The following MCTP1 variants were observed in gnomAD, a reference collection of about 807,000 sequenced individuals.
The protein encoded by MCTP1 is multiple C2 and transmembrane domain-containing protein 1.
Under a neutral mutation model 120.6 loss-of-function variants are expected in MCTP1, and 69 were observed. That is an observed-to-expected ratio of 0.57 (90% CI 0.47 to 0.70). The LOEUF is 0.70. MCTP1 is among the 30% of genes least tolerant of loss of function. The probability of loss-of-function intolerance (pLI) is 0.00; values close to 1 mark genes in which losing one functional copy is unlikely to be tolerated. For synonymous variants in MCTP1, 529 were observed against 493.1 expected (o/e 1.07, Z -0.96); for missense variants, 1,203 against 1,248.8 (o/e 0.96, Z 0.55).
At chr5:95,230,089 C>T (rs1408901776) in intron 1 of MCTP1, among the ~76,000 whole-genome samples, 1 of 149,738 alleles carries the variant, frequency 6.7e-6, no homozygotes, top group Non-Finnish European at 1.5e-5. Flanking sequence ...GAGGAAGGTA[C>T]CTTTCTTTAG....
intron 1 of MCTP1, among the ~76,000 whole-genome samples, chr5:95,146,310 T>C (rs1760390710): frequency 6.6e-6 from 1 of 152,174 alleles, no homozygotes; most frequent in Non-Finnish European, 1.5e-5. Context: ...GTTCTATACA[T>C]CTTGTTTATT....
At chr5:94,910,184 G>GTATATATACATATA (rs1561843120) in intron 9 of MCTP1, among the ~76,000 whole-genome samples, 9 of 92,846 alleles carry the variant, frequency 9.7e-5, no homozygotes, top group East Asian at 4.4e-4. Context: ...ATATATGTAT[G>GTATATATACATATA]TGTGCATACA....
chr5:95,246,410 T>C (rs187470936), intron 1 of MCTP1, among the ~76,000 whole-genome samples: 107 of 151,758 alleles, frequency 7.1e-4, no homozygotes, highest in African/African-American at 2.6e-3. Flanking sequence ...AGGAGACCCA[T>C]CTCACATGCA....
intron 1 of MCTP1, among the ~76,000 whole-genome samples, chr5:95,124,315 G>A (rs965461993): frequency 2.6e-5 from 4 of 152,224 alleles, no homozygotes; most frequent in Non-Finnish European, 5.9e-5. Flanking sequence ...AAAGATGAGC[G>A]AGCTGACAGA....
chr5:94,930,055 GA>G (rs1420796937), intron 6 of MCTP1, among the ~76,000 whole-genome samples: 3 of 152,020 alleles, frequency 2.0e-5, no homozygotes, highest in African/African-American at 7.2e-5. Context: ...TTGGAAGCTT[GA>G]AAAATGCATC....
At chr5:95,079,532 T>A (rs1023856678) in intron 1 of MCTP1, among the ~76,000 whole-genome samples, 8 of 152,126 alleles carry the variant, frequency 5.3e-5, no homozygotes, top group African/African-American at 1.9e-4. Flanking sequence ...TTCCATCTGT[T>A]TACCTTCATC....
chr5:94,991,616 G>A (rs1831557555), intron 2 of MCTP1, among the ~76,000 whole-genome samples: 1 of 152,150 alleles, frequency 6.6e-6, no homozygotes, highest in Non-Finnish European at 1.5e-5. Flanking sequence ...GTTTACGCCT[G>A]TAATCCCAGC....
At chr5:95,166,488 C>T (rs1006597687) in intron 1 of MCTP1, among the ~76,000 whole-genome samples, 2 of 152,038 alleles carry the variant, frequency 1.3e-5, no homozygotes, top group African/African-American at 2.4e-5. Flanking sequence ...CTCCATAATT[C>T]ATATTACTTT....
chr5:94,981,239 G>C (rs985371142), intron 2 of MCTP1, among the ~76,000 whole-genome samples: 1 of 152,006 alleles, frequency 6.6e-6, no homozygotes, highest in African/African-American at 2.4e-5. Context: ...TTTAATAAAA[G>C]ATGTAGAACC....
At chr5:94,864,075 TG>T (rs1407406182) in intron 17 of MCTP1, among the ~76,000 whole-genome samples, 1 of 151,784 alleles carries the variant, frequency 6.6e-6, no homozygotes, top group African/African-American at 2.4e-5. Flanking sequence ...TTCGATGAAT[TG>T]CCATAGAAGG....
At chr5:94,818,454 A>G (rs1331798390) in intron 17 of MCTP1, among the ~76,000 whole-genome samples, 1 of 152,226 alleles carries the variant, frequency 6.6e-6, no homozygotes, top group African/African-American at 2.4e-5. Context: ...CAGCTAATTT[A>G]AAGACCCATT....
intron 1 of MCTP1, among the ~76,000 whole-genome samples, chr5:95,201,346 GT>G (rs1227879679): frequency 6.6e-6 from 1 of 150,864 alleles, no homozygotes; most frequent in Admixed American, 6.6e-5. Flanking sequence ...GCACATTAAA[GT>G]TTGAAAAGCA....
Position 95,137,137 on chromosome 5 carries a change from C to T in MCTP1, c.721-119653G>A, listed in dbSNP as rs184121228. On this transcript the variant is annotated intron_variant, in intron 1 of 22. Coordinates refer to ENST00000515393, the MANE Select transcript of MCTP1 (RefSeq NM_024717.7). Reference sequence around the variant, plus strand: ...CTTCAGCGATGTTATAAGCAACAGCCTTATGAAATCTAGTGCTGTATTTGT... The same window carrying T: ...CTTCAGCGATGTTATAAGCAACAGCTTTATGAAATCTAGTGCTGTATTTGT... 1.1e-3 allele frequency among the ~76,000 whole-genome samples: 168 copies of T among 152,270 alleles called. 1 individual carries two copies. Among genetic ancestry groups the T allele is most frequent in the African/African-American group, 3.8e-3 (159 of 41,544 alleles).
intron 12 of MCTP1, among the ~76,000 whole-genome samples, chr5:94,886,803 GCAGA>G (rs776722706): frequency 2.6e-5 from 4 of 152,060 alleles, no homozygotes; most frequent in South Asian, 2.1e-4. Context: ...AAAAGAGAAA[GCAGA>G]CAAAGAACTT....
intron 18 of MCTP1, chr5:94,793,496 C>T (rs1272368151): frequency 6.6e-6 from 1 of 152,142 alleles, no homozygotes; most frequent in African/African-American, 2.4e-5. Flanking sequence ...TGTTTACAGG[C>T]TGTATGACTC....
chr5:94,821,695 G>T (rs867971578), intron 17 of MCTP1, among the ~76,000 whole-genome samples: 5 of 152,112 alleles, frequency 3.3e-5, no homozygotes, highest in Non-Finnish European at 7.4e-5. Flanking sequence ...ACCAGAGATT[G>T]GTTCCAGGAC....
At chr5:94,747,425 G>A (rs963075921) in intron 19 of MCTP1, among the ~76,000 whole-genome samples, 4 of 152,218 alleles carry the variant, frequency 2.6e-5, no homozygotes, top group African/African-American at 9.6e-5. Flanking sequence ...CAATTCAGAA[G>A]TAATTTTTTT....
chr5:94,849,530 T>G (rs1163048875), intron 17 of MCTP1, among the ~76,000 whole-genome samples: 1 of 152,146 alleles, frequency 6.6e-6, no homozygotes, highest in African/African-American at 2.4e-5. Context: ...CCTCCATCTC[T>G]GTCTCACAGG....
intron 11 of MCTP1, among the ~76,000 whole-genome samples, chr5:94,891,355 G>A (rs1000646787): frequency 4.6e-5 from 7 of 152,288 alleles, no homozygotes; most frequent in Non-Finnish European, 8.8e-5. Context: ...TTGTGGGCAC[G>A]TTGTGTTCCT....
Sources: allele counts gnomAD v4.1 joint callset (sites outside exome capture counted in the v4.1 genomes callset), GRCh38; gene constraint gnomAD v4.1.1; transcripts MANE v1.5; gene names NCBI Gene and HGNC (gene_info 2026-07-23, HGNC 2026-07-21).